Variants in PIK3C2B observed in about 807,000 individuals in gnomAD.
PIK3C2B encodes phosphatidylinositol-4-phosphate 3-kinase catalytic subunit type 2 beta, also known as phosphatidylinositol 4-phosphate 3-kinase C2 domain-containing subunit beta.
A neutral mutation model predicts 184.3 loss-of-function variants in PIK3C2B; 83 were observed. That is an observed-to-expected ratio of 0.45 (90% confidence interval 0.38 to 0.54). The LOEUF is 0.54. Ranked by LOEUF, PIK3C2B falls within the 20% of genes least tolerant of loss-of-function variation. PIK3C2B has a pLI of 0.00. For missense variants in PIK3C2B, 1,736 were observed against 2,113.5 expected (o/e 0.82, Z 3.50); for synonymous variants, 779 against 837.6 (o/e 0.93, Z 1.21).
intron 12 of PIK3C2B, among the ~76,000 whole-genome samples, chr1:204,453,933 C>T (rs1274690239): frequency 6.6e-6 from 1 of 151,840 alleles, no homozygotes; most frequent in African/African-American, 2.4e-5. Context: ...GCCACCATGC[C>T]CGGCTATTTT....
In PIK3C2B at chr1:204,434,525, G is replaced by A. The variant is rs767257502; in HGVS notation, c.3600C>T (p.Asn1200=). 4 of 1,614,138 alleles carry A rather than the reference G, an allele frequency of 2.5e-6. No homozygotes were observed. The South Asian group carries it at 4.4e-5, about 18-fold the overall frequency. Residue 1200 remains asparagine, a synonymous_variant, in exon 24 of 33, where the codon AAC becomes AAT. Coordinates refer to ENST00000684373, the MANE Select transcript of PIK3C2B (RefSeq NM_001377334.1). ...VLGICDRHND[N]IMLKTTGHMF... ...TGTGACCAGTGGTCTTCAGCATGAT[G>A]TTGTCATTATGTCGGTCACAGATGC...
rs777486906 is a variant in PIK3C2B at position 204,444,409 on chromosome 1, C to T, written c.2694G>A (p.Glu898=). The part of the protein sequence containing the change: ...GLLHATFPDQ[E]VRRMAVQWIG... ...TCCACTGCACAGCCATACGACGCAC[C>T]TCCTGGTCCGGGAAGCTGCAAAACA... is the stretch of plus-strand genomic sequence containing the variant. Residue 898 remains glutamate, a synonymous_variant, in exon 17 of 33, where the codon GAG becomes GAA. Coordinates refer to ENST00000684373, the MANE Select transcript of PIK3C2B (RefSeq NM_001377334.1). 1.2e-6 allele frequency: 2 copies of T among 1,613,504 alleles called. No homozygotes were observed. The highest frequency in any genetic ancestry group is 2.2e-5 in the South Asian group (2 of 90,984).
intron 14 of PIK3C2B, among the ~76,000 whole-genome samples, chr1:204,448,915 G>A (rs1238597440): frequency 6.6e-6 from 1 of 152,146 alleles, no homozygotes; most frequent in Admixed American, 6.5e-5. Context: ...GGACTCAGAA[G>A]CTGAGCCCTG....
At chr1:204,458,798 C>G (rs1655083011) in intron 8 of PIK3C2B, among the ~76,000 whole-genome samples, 1 of 151,872 alleles carries the variant, frequency 6.6e-6, no homozygotes, top group Non-Finnish European at 1.5e-5. Flanking sequence ...CTGGCCAAGG[C>G]TATGACGATT....
chr1:204,470,674 A>T (rs1490638154), intron 1 of PIK3C2B, among the ~76,000 whole-genome samples: 4 of 152,272 alleles, frequency 2.6e-5, no homozygotes, highest in African/African-American at 9.6e-5. Flanking sequence ...ATAAAAGCAT[A>T]TGTCTACACA....
Position 204,434,585 on chromosome 1 carries a change from G to A in PIK3C2B, c.3540C>T (p.Ser1180=). The A allele has an allele frequency of 1.9e-6, 3 of 1,613,962 alleles. No homozygotes were observed. In the South Asian group the frequency reaches 3.3e-5, roughly 18 times the overall value. ...ACGTGGCCACGCAGCAGCCAGCGCA[G>A]GAGTAGATAAAGTTCTCCACAGCCT... The part of the protein sequence containing the change: ...YEKAVENFIY[S]CAGCCVATYV... The change falls in exon 24 of 33, where the codon TCC becomes TCT. Residue 1180 remains serine, a synonymous_variant. Transcript: ENST00000684373.
In PIK3C2B at chr1:204,469,149, A is replaced by G; in HGVS notation, c.654T>C (p.Gly218=). The G allele has an allele frequency of 6.2e-7, 1 of 1,613,730 alleles. No individual in the cohort carries two copies. Among genetic ancestry groups the G allele is most frequent in the Non-Finnish European group, 8.5e-7 (1 of 1,179,922 alleles). Residue 218 remains glycine, a synonymous_variant, in exon 2 of 33, where the codon GGT becomes GGC. Coordinates refer to ENST00000684373, the MANE Select transcript of PIK3C2B (RefSeq NM_001377334.1). ...LEEEEVLGGG[G]QGRLLGSVDY... ...CCACAGACCCCAGTAGGCGCCCCTG[A>G]CCCCCACCTCCCAGCACCTCTTCCT...
At chr1:204,466,136 C>A (rs1211579734) in intron 2 of PIK3C2B, among the ~76,000 whole-genome samples, 1 of 152,168 alleles carries the variant, frequency 6.6e-6, no homozygotes, top group Non-Finnish European at 1.5e-5. Flanking sequence ...TGTAGCCCAG[C>A]CCTAGGGAGA....
rs16853641 is a variant in PIK3C2B at position 204,433,039 on chromosome 1, T to C, written c.3953+277A>G. On this transcript the variant is annotated intron_variant, in intron 26 of 32. Coordinates refer to ENST00000684373, the MANE Select transcript of PIK3C2B (RefSeq NM_001377334.1). The surrounding 1 kb of genome is among the most constrained non-coding windows in gnomAD (Gnocchi z 5.0). ...TATACATTGCCCCATAGACAAAGTATTTGATGGGACCTAGTGAGAATGTAG... is the reference window on the plus strand; with the variant it reads ...TATACATTGCCCCATAGACAAAGTACTTGATGGGACCTAGTGAGAATGTAG... Among the ~76,000 whole-genome samples, 5,845 of 152,318 alleles carry C rather than the reference T, an allele frequency of 0.038. 137 individuals carry two copies. The highest frequency in any genetic ancestry group is 0.068 in the Middle Eastern group (20 of 294).
intron 2 of PIK3C2B, among the ~76,000 whole-genome samples, chr1:204,468,198 T>C (rs531054986): frequency 6.6e-6 from 1 of 152,290 alleles, no homozygotes; most frequent in African/African-American, 2.4e-5. Flanking sequence ...CACTTCCAAA[T>C]GGTTACGGTG....
At chr1:204,486,438 C>T (rs1657599669) in intron 1 of PIK3C2B, among the ~76,000 whole-genome samples, 1 of 141,936 alleles carries the variant, frequency 7.0e-6, no homozygotes, top group Non-Finnish European at 1.5e-5. Context: ...AAAAAAAAAA[C>T]GAATAAAGAT....
chr1:204,441,743 T>C (rs1397093627), intron 20 of PIK3C2B, among the ~76,000 whole-genome samples, 180 bp from the exon 21 acceptor site: 2 of 152,178 alleles, frequency 1.3e-5, no homozygotes, highest in Non-Finnish European at 2.9e-5. Context: ...TGTTAAATAG[T>C]CATCATCCCA....
intron 21 of PIK3C2B, 85 bp from the exon 22 acceptor site, chr1:204,440,406 A>C: frequency 7.1e-7 from 1 of 1,409,526 alleles, no homozygotes; most frequent in Admixed American, 2.3e-5. Flanking sequence ...CTTGGCCCTA[A>C]ACTAACAGTG....
intron 7 of PIK3C2B, 72 bp downstream of exon 7, chr1:204,460,245 GAAAGGCA>G: frequency 8.3e-7 from 1 of 1,208,554 alleles, no homozygotes; most frequent in Non-Finnish European, 1.2e-6. Context: ...AGCCCTGACA[GAAAGGCA>G]AGCAGGCACA....
chr1:204,470,097 A>G (rs1447894112), intron 1 of PIK3C2B, among the ~76,000 whole-genome samples: 3 of 151,664 alleles, frequency 2.0e-5, no homozygotes, highest in Admixed American at 6.6e-5. Flanking sequence ...TCATCTCTAC[A>G]TGCCTCATCT....
intron 21 of PIK3C2B, among the ~76,000 whole-genome samples, chr1:204,440,768 TA>T (rs1213482108): frequency 0.043 from 408 of 9,420 alleles, no homozygotes; most frequent in Middle Eastern, 0.4. Context: ...AGCTAATTTA[TA>T]TATATATATA....
intron 21 of PIK3C2B, among the ~76,000 whole-genome samples, 164 bp downstream of exon 21, chr1:204,441,307 C>T (rs527487609): frequency 1.3e-5 from 2 of 152,310 alleles, no homozygotes; most frequent in Admixed American, 1.3e-4. Flanking sequence ...CCTCTGGGGC[C>T]ATGCAGAATT....
In PIK3C2B at chr1:204,432,201, T is replaced by C; in HGVS notation, c.4154A>G (p.Tyr1385Cys). ...GGTCAGATTGGAGAAAACACTTACA[T>C]AGCCTTTGTTGGGGTGGAAGATCTT... ...HEKIFHPNKG[Y>C]IYVVKVMREN... The change falls in exon 27 of 33, where the codon TAT (tyrosine) becomes TGT (cysteine). Residue 1385 changes from tyrosine to cysteine, a missense_variant and splice_region_variant. Physicochemically the swap from Tyr to Cys is radical, Grantham distance 194 (BLOSUM62 -2). Around this residue, in one of 8 missense-constraint regions of PIK3C2B, gnomAD observed 200 missense variants for 199.1 expected, o/e 1.00. Transcript: ENST00000684373. 6.2e-7 allele frequency: 1 copy of C among 1,613,332 alleles called. No homozygotes were observed. Among genetic ancestry groups the C allele is most frequent in the Non-Finnish European group, 8.5e-7 (1 of 1,179,564 alleles).
At chr1:204,480,834 A>C (rs559928811) in intron 1 of PIK3C2B, among the ~76,000 whole-genome samples, 4 of 152,070 alleles carry the variant, frequency 2.6e-5, no homozygotes, top group Non-Finnish European at 4.4e-5. Flanking sequence ...TTCCCTTGGG[A>C]TAGGAAGGCT....
Sources: allele counts gnomAD v4.1 joint callset (sites outside exome capture counted in the v4.1 genomes callset), GRCh38; gene constraint gnomAD v4.1.1; regional missense constraint gnomAD v4.1.1; non-coding constraint Gnocchi (gnomAD v3.1); transcripts MANE v1.5; gene names NCBI Gene and HGNC (gene_info 2026-07-23, HGNC 2026-07-21).